The following MARK4 variants were observed in gnomAD, a reference collection of about 807,000 sequenced individuals.
MARK4 encodes MAP/microtubule affinity-regulating kinase 4.
In MARK4, 19 loss-of-function variants were observed where a neutral mutation model predicts 81.5. The ratio of observed to expected loss-of-function variants is 0.23; its 90% CI spans 0.16 to 0.34. The LOEUF (loss-of-function observed/expected upper bound fraction) is 0.34. Among genes scored for constraint, MARK4 ranks in the 10% least tolerant of loss-of-function variants. The probability of loss-of-function intolerance (pLI) is 1.00; values close to 1 mark genes in which losing one functional copy is unlikely to be tolerated. For missense variants in MARK4, 772 were observed against 1,058.8 expected (o/e 0.73, Z 3.76); for synonymous variants, 436 against 439.0 (o/e 0.99, Z 0.08).
At chr19:45,277,901 T>C in intron 8 of MARK4, 22 bp from the exon 9 acceptor site, 1 of 1,586,144 alleles carries the variant, frequency 6.3e-7, no homozygotes, top group Non-Finnish European at 8.6e-7. Context: ...GACCCCCTCC[T>C]CCAGTAACCC....
At chr19:45,296,065 G>A (rs1360227881) in intron 14 of MARK4, among the ~76,000 whole-genome samples, 1 of 152,112 alleles carries the variant, frequency 6.6e-6, no homozygotes, top group African/African-American at 2.4e-5. Context: ...GGCACAGAGA[G>A]GTTAAGTAAC....
rs558456355 is a variant in MARK4, at chr19:45,280,571, G to A, written c.1117-4G>A. 222 of 1,613,786 alleles carry A rather than the reference G, an allele frequency of 1.4e-4. No homozygotes were observed. The highest frequency in any genetic ancestry group is 1.7e-4 in the Non-Finnish European group (198 of 1,179,808). ...GAAGAGCCTCATCTGTCATCCTCTC[G>A]CAGGAGGGTGGGGACCGGGGCGCCC... is the stretch of plus-strand genomic sequence containing the variant. On this transcript the variant is annotated splice_polypyrimidine_tract_variant and splice_region_variant and intron_variant, in intron 11 of 16. Transcript: ENST00000262891.
chr19:45,278,583 C>A lies in MARK4; in HGVS notation c.974C>A (p.Pro325His). ...EGEELKPYTE[P>H]EEDFGDTKRI... ...GAGGAGTTGAAGCCATACACAGAGCCCGAGGAGGACTTCGGGGACACCAAG... is the reference window on the plus strand; with the variant it reads ...GAGGAGTTGAAGCCATACACAGAGCACGAGGAGGACTTCGGGGACACCAAG... The change falls in exon 10 of 17, where the codon CCC becomes CAC. Residue 325 changes from proline to histidine, a missense_variant. Around this residue, in one of 3 missense-constraint regions of MARK4, gnomAD observed 548 missense variants for 624.3 expected, o/e 0.88. Coordinates refer to ENST00000262891, the MANE Select transcript of MARK4 (RefSeq NM_001199867.2). 1.2e-6 allele frequency: 2 copies of A among 1,613,886 alleles called. No individual in the cohort carries two copies. The highest frequency in any genetic ancestry group is 1.7e-6 in the Non-Finnish European group (2 of 1,179,920).
chr19:45,290,930 A>G (rs1452044482), intron 13 of MARK4, among the ~76,000 whole-genome samples: 1 of 152,212 alleles, frequency 6.6e-6, no homozygotes, highest in East Asian at 1.9e-4. Flanking sequence ...ACCTGAGGAC[A>G]GCTCACTGGC....
At chr19:45,296,230 T>TA (rs914362627) in intron 14 of MARK4, among the ~76,000 whole-genome samples, 4 of 151,376 alleles carry the variant, frequency 2.6e-5, no homozygotes, top group African/African-American at 4.9e-5. Context: ...AATCAAAAAT[T>TA]AAAAAAAAAT....
chr19:45,301,346 C>T (rs1407230212), intron 16 of MARK4, among the ~76,000 whole-genome samples: 1 of 149,342 alleles, frequency 6.7e-6, no homozygotes, highest in African/African-American at 2.5e-5. Context: ...GGTGGATCAC[C>T]TGAGGCCGGG....
chr19:45,284,620 G>A (rs111752654), intron 12 of MARK4, among the ~76,000 whole-genome samples: 22 of 151,762 alleles, frequency 1.4e-4, no homozygotes, highest in African/African-American at 4.8e-4. Flanking sequence ...GAGCCACCGC[G>A]CCTGGCCCGC....
chr19:45,268,944 G>A (rs750012903), intron 7 of MARK4, among the ~76,000 whole-genome samples: 4 of 152,116 alleles, frequency 2.6e-5, no homozygotes, highest in Admixed American at 6.6e-5. Flanking sequence ...CCTGGAGGTC[G>A]TATGTCCCCT....
intron 12 of MARK4, among the ~76,000 whole-genome samples, chr19:45,287,070 G>A (rs1970752077): frequency 6.6e-6 from 1 of 151,814 alleles, no homozygotes; most frequent in Non-Finnish European, 1.5e-5. Flanking sequence ...CAGGTGGGGT[G>A]GCACACACCT....
chr19:45,251,572 C>CCCCCCCCCCCCCCCCCG lies in MARK4; in HGVS notation c.-15_-14insCCCCCCCCCCCCCCGCC. On this transcript the variant is annotated 5_prime_UTR_variant, in exon 1 of 17. Coordinates refer to ENST00000262891, the MANE Select transcript of MARK4 (RefSeq NM_001199867.2). Reference sequence around the variant, plus strand: ...CCCCCCCACCCGGCCGCCCCTGCCCCCCGGGACCCGGAGAAGATGTCTTCG... The same window carrying CCCCCCCCCCCCCCCCCG: ...CCCCCCCACCCGGCCGCCCCTGCCCCCCCCCCCCCCCCCCCCGCCGGGACCCGGAGAAGATGTCTTCG... The CCCCCCCCCCCCCCCCCG allele has an allele frequency of 7.2e-7, 1 of 1,382,668 alleles. No homozygotes were observed. The allele number at this position is 1,382,668 out of a possible 1,614,324, so 85.6% of individuals were successfully genotyped here.
intron 1 of MARK4, among the ~76,000 whole-genome samples, chr19:45,256,442 A>C (rs553367211): frequency 6.6e-6 from 1 of 152,364 alleles, no homozygotes; most frequent in East Asian, 1.9e-4. Context: ...TGTGTCAAAA[A>C]GAAAAAAAAT....
chr19:45,260,899 G>A (rs1172159959), intron 2 of MARK4, among the ~76,000 whole-genome samples: 2 of 152,148 alleles, frequency 1.3e-5, no homozygotes, highest in Non-Finnish European at 2.9e-5. Context: ...GCAGGCATCT[G>A]TGCTGAGTAT....
Position 45,251,655 on chromosome 19 carries a change from C to T in MARK4, c.51+16C>T, listed in dbSNP as rs1273321994. On this transcript the variant is annotated intron_variant, in intron 1 of 16. Coordinates refer to ENST00000262891, the MANE Select transcript of MARK4 (RefSeq NM_001199867.2). ...CTCGGACACGGTGAGTGGGGCCCGGCCCCTTGGGGAGCCCTGGCTGGGTCC... is the reference window on the plus strand; with the variant it reads ...CTCGGACACGGTGAGTGGGGCCCGGTCCCTTGGGGAGCCCTGGCTGGGTCC... The T allele has an allele frequency of 6.6e-7, 1 of 1,517,648 alleles. No individual in the cohort carries two copies. Among genetic ancestry groups the T allele is most frequent in the Non-Finnish European group, 8.8e-7 (1 of 1,135,454 alleles). 94.0% of individuals were successfully genotyped at this position (1,517,648 alleles called of 1,614,324 possible). A position where few individuals can be genotyped will look rare whatever the true frequency, so the allele number is the denominator to read the frequency against.
Position 45,297,253 on chromosome 19 carries a change from T to G in MARK4, c.1599-423T>G, listed in dbSNP as rs532890735. 5.3e-4 allele frequency among the ~76,000 whole-genome samples: 80 copies of G among 152,260 alleles called. 1 individual carries two copies. Among genetic ancestry groups the G allele is most frequent in the African/African-American group, 1.8e-3 (76 of 41,550 alleles). ...ATTACCATAGTGAATACAGGTATCC[T>G]TGACCTTTACATCTATCCCTTTCCT... On this transcript the variant is annotated intron_variant, in intron 14 of 16. Coordinates refer to ENST00000262891, the MANE Select transcript of MARK4 (RefSeq NM_001199867.2).
chr19:45,285,666 C>CATATG (rs558945094), intron 12 of MARK4, among the ~76,000 whole-genome samples: 1,898 of 152,250 alleles, frequency 0.012, 31 homozygotes, highest in African/African-American at 0.043. Flanking sequence ...AACGTGGTAA[C>CATATG]CTTCAGAACT....
At chr19:45,287,792 T>C in intron 13 of MARK4, 128 bp downstream of exon 13, 3 of 1,084,972 alleles carry the variant, frequency 2.8e-6, no homozygotes, top group Non-Finnish European at 4.1e-6. Flanking sequence ...CATTCATTCA[T>C]TCAACAAACA....
intron 8 of MARK4, among the ~76,000 whole-genome samples, chr19:45,273,637 C>T (rs1970560987): frequency 1.3e-5 from 2 of 152,264 alleles, no homozygotes; most frequent in South Asian, 2.1e-4. Context: ...TTGACATTAT[C>T]GATTAGTTCA....
intron 8 of MARK4, among the ~76,000 whole-genome samples, chr19:45,274,745 G>A (rs1970577369): frequency 6.6e-6 from 1 of 152,190 alleles, no homozygotes; most frequent in Non-Finnish European, 1.5e-5. Context: ...CAAGCATGAA[G>A]CTAAGAGACC....
At chr19:45,278,951 G>C (rs537872521) in intron 10 of MARK4, among the ~76,000 whole-genome samples, 2 of 152,264 alleles carry the variant, frequency 1.3e-5, no homozygotes, top group African/African-American at 4.8e-5. Flanking sequence ...AGGCGAGGTG[G>C]TTCATGCTGG....
Sources: gnomAD v4.1 joint callset for allele counts (sites outside exome capture counted in the v4.1 genomes callset) on GRCh38, gnomAD v4.1.1 for gene constraint, gnomAD v4.1.1 regional missense constraint, MANE v1.5 for transcripts, NCBI Gene and HGNC (gene_info 2026-07-23, HGNC 2026-07-21) for gene names.